The following ABCC4 variants were observed in gnomAD, a reference collection of about 807,000 sequenced individuals.
The protein encoded by ABCC4 is ATP-binding cassette sub-family C member 4.
In ABCC4, 102 loss-of-function variants were observed where a neutral mutation model predicts 168.5. The ratio of observed to expected loss-of-function variants is 0.61; its 90% CI spans 0.52 to 0.71. ABCC4 has a LOEUF of 0.71. Ranked by LOEUF, ABCC4 falls within the 30% of genes least tolerant of loss-of-function variation. The pLI is 0.00. For synonymous variants in ABCC4, 617 were observed against 590.7 expected (o/e 1.04, Z -0.65); for missense variants, 1,402 against 1,605.8 (o/e 0.87, Z 2.17).
chr13:95,283,243 G>A (rs898683690), intron 1 of ABCC4, among the ~76,000 whole-genome samples: 2 of 151,428 alleles, frequency 1.3e-5, no homozygotes, highest in Non-Finnish European at 2.9e-5. Flanking sequence ...TTTAAAAACT[G>A]GTCCTGTGGC....
chr13:95,180,773 G>A (rs2037864353), intron 11 of ABCC4, among the ~76,000 whole-genome samples: 1 of 152,112 alleles, frequency 6.6e-6, no homozygotes, highest in South Asian at 2.1e-4. Flanking sequence ...ATAGCATCAA[G>A]TTGTAGCAGA....
chr13:95,022,640 G>A (rs909586627), intron 30 of ABCC4, among the ~76,000 whole-genome samples: 1 of 152,148 alleles, frequency 6.6e-6, no homozygotes, highest in Non-Finnish European at 1.5e-5. Flanking sequence ...CTTTAAAACA[G>A]AAAATGTAGC....
chr13:95,033,558 G>A (rs367733657), intron 30 of ABCC4, among the ~76,000 whole-genome samples: 10 of 152,200 alleles, frequency 6.6e-5, no homozygotes, highest in African/African-American at 9.6e-5. Flanking sequence ...AAGAGATCAC[G>A]TAGCCTGCGT....
chr13:95,286,902 G>A (rs1400513072), intron 1 of ABCC4, among the ~76,000 whole-genome samples: 19 of 148,882 alleles, frequency 1.3e-4, no homozygotes, highest in Non-Finnish European at 2.2e-4. Flanking sequence ...GTTGCAGTGA[G>A]CTGAGTCCAT....
chr13:95,218,151 A>G (rs1446817774), intron 4 of ABCC4, among the ~76,000 whole-genome samples: 2 of 152,230 alleles, frequency 1.3e-5, no homozygotes, highest in Non-Finnish European at 2.9e-5. Flanking sequence ...TGAAACTTCC[A>G]ATTAAACTGG....
chr13:95,255,714 A>G (rs2040376468), intron 1 of ABCC4, among the ~76,000 whole-genome samples: 1 of 152,222 alleles, frequency 6.6e-6, no homozygotes, highest in Non-Finnish European at 1.5e-5. Context: ...CAACCTAAGC[A>G]ACAGGCAATG....
chr13:95,118,772 T>C (rs1242914913), intron 19 of ABCC4, among the ~76,000 whole-genome samples: 1 of 152,172 alleles, frequency 6.6e-6, no homozygotes, highest in Non-Finnish European at 1.5e-5. Context: ...ACCCAATCTA[T>C]TTTCGGACTG....
chr13:95,137,602 G>GAAATGA (rs2036182268), intron 19 of ABCC4, among the ~76,000 whole-genome samples: 1 of 152,158 alleles, frequency 6.6e-6, no homozygotes, highest in Non-Finnish European at 1.5e-5. Flanking sequence ...AATGGGAGAG[G>GAAATGA]CACCTGCGGG....
At chr13:95,257,559 A>C (rs1380419817) in intron 1 of ABCC4, among the ~76,000 whole-genome samples, 1 of 152,064 alleles carries the variant, frequency 6.6e-6, no homozygotes, top group Non-Finnish European at 1.5e-5. Context: ...GCTACTCAGG[A>C]GGCTGAGACA....
At chr13:95,278,242 T>C (rs779715937) in intron 1 of ABCC4, among the ~76,000 whole-genome samples, 3 of 152,208 alleles carry the variant, frequency 2.0e-5, no homozygotes, top group South Asian at 2.1e-4. Context: ...TTATGCCCCA[T>C]GGCTTTAGAG....
chr13:95,272,980 C>A (rs1233796305), intron 1 of ABCC4, among the ~76,000 whole-genome samples: 2 of 152,134 alleles, frequency 1.3e-5, no homozygotes, highest in Admixed American at 1.3e-4. Context: ...CACACACACA[C>A]CCCCTACAGG....
intron 8 of ABCC4, among the ~76,000 whole-genome samples, chr13:95,201,845 C>T (rs780507450): frequency 2.8e-4 from 42 of 152,066 alleles, no homozygotes; most frequent in African/African-American, 8.7e-4. Flanking sequence ...TGGTGGCTCA[C>T]GCCTGTAATC....
At chr13:95,052,386 G>A (rs1233127989) in intron 27 of ABCC4, among the ~76,000 whole-genome samples, 1 of 152,172 alleles carries the variant, frequency 6.6e-6, no homozygotes, top group African/African-American at 2.4e-5. Flanking sequence ...CAAATTTGCA[G>A]AACTAGACTG....
intron 29 of ABCC4, among the ~76,000 whole-genome samples, chr13:95,038,888 G>C (rs931931229): frequency 6.6e-6 from 1 of 152,170 alleles, no homozygotes; most frequent in African/African-American, 2.4e-5. Flanking sequence ...AGGGATGCTA[G>C]GATTCAGGCT....
At position 95,215,823 on chromosome 13, in the gene ABCC4, T is replaced by A. The variant is rs1025229725; in HGVS notation, c.532-5042A>T. ...ATTTGCGAGTTATAGCTAAAGCAAG[T>A]CTTAGAGTAAACTTTTGGCTTTAAG... On this transcript the variant is annotated intron_variant, in intron 4 of 30. Transcript: ENST00000645237. 2.6e-5 allele frequency among the ~76,000 whole-genome samples: 4 copies of A among 152,308 alleles called. No individual in the cohort carries two copies. The East Asian group carries it at 7.7e-4, about 29-fold the overall frequency.
At chr13:95,282,840 T>G (rs992468485) in intron 1 of ABCC4, among the ~76,000 whole-genome samples, 2 of 152,050 alleles carry the variant, frequency 1.3e-5, no homozygotes, top group African/African-American at 4.8e-5. Context: ...GCCTAAAGTA[T>G]GTTAAATATG....
At chr13:95,164,249 C>A (rs1241417987) in intron 16 of ABCC4, 129 bp downstream of exon 16, 3 of 1,155,884 alleles carry the variant, frequency 2.6e-6, no homozygotes, top group Non-Finnish European at 3.7e-6. Flanking sequence ...AGGCAGCCCT[C>A]ACTTTGTTCC....
rs1176043040 is a variant in ABCC4, at chr13:95,164,057, AG to A, written c.2175+320del. On this transcript the variant is annotated intron_variant, in intron 16 of 30. Transcript: ENST00000645237. The stretch of plus-strand genomic sequence containing the variant: ...CTCCATCTCAAAAAAAAAAAAAAAA[AG>A]AAAGAAAGAAAGAAAGAAAGAATAA... 6.5e-3 allele frequency among the ~76,000 whole-genome samples: 747 copies of A among 115,708 alleles called. 13 individuals carry two copies. Among genetic ancestry groups the A allele is most frequent in the African/African-American group, 0.021 (697 of 32,760 alleles). The allele number at this position is 115,708 out of a possible 152,430, so 75.9% of individuals were successfully genotyped here.
At chr13:95,131,577 C>T (rs549724296) in intron 19 of ABCC4, among the ~76,000 whole-genome samples, 16 of 152,008 alleles carry the variant, frequency 1.1e-4, no homozygotes, top group East Asian at 7.7e-4. Context: ...TACAGTGAGC[C>T]GAGATCGCAC....
Sources: gnomAD v4.1 joint callset for allele counts (sites outside exome capture counted in the v4.1 genomes callset) on GRCh38, gnomAD v4.1.1 for gene constraint, MANE v1.5 for transcripts, NCBI Gene and HGNC (gene_info 2026-07-23, HGNC 2026-07-21) for gene names.